CWC27: variants seen among roughly 807,000 people sequenced by gnomAD.
The protein encoded by CWC27 is CWC27 spliceosome associated cyclophilin.
In CWC27, 47 loss-of-function variants were observed where a neutral mutation model predicts 63.6. The ratio of observed to expected loss-of-function variants is 0.74; its 90% confidence interval spans 0.58 to 0.94. CWC27 has a LOEUF of 0.94. CWC27 is among the 40% of genes least tolerant of loss of function. The probability of loss-of-function intolerance (pLI) is 0.00; values close to 1 mark genes in which losing one functional copy is unlikely to be tolerated. For synonymous variants in CWC27, 175 were observed against 179.8 expected, an observed-to-expected ratio of 0.97 and a Z score of 0.22; for missense variants, 495 against 554.3, an observed-to-expected ratio of 0.89 and a Z score of 1.07.
chr5:64,784,064 T>A lies in CWC27; in HGVS notation c.396+85T>A, dbSNP rs181646338. 1.1e-4 allele frequency: 130 copies of A among 1,171,594 alleles called. 1 individual carries two copies. The African/African-American group carries it at 1.9e-3, about 17-fold the overall frequency. 72.6% of individuals were successfully genotyped at this position (1,171,594 alleles called of 1,614,324 possible). On this transcript the variant is annotated intron_variant, in intron 4 of 13. Transcript: ENST00000381070. ...ACTTCTAAGATACATATGATTAACT[T>A]ATCTAAGAGCTACCTTTGTAAAAAC...
intron 10 of CWC27, among the ~76,000 whole-genome samples, chr5:64,877,929 G>T (rs757192604): frequency 6.6e-6 from 1 of 151,760 alleles, no homozygotes; most frequent in African/African-American, 2.4e-5. Flanking sequence ...TCAGCATCTC[G>T]CTGCTTCCTT....
Position 64,870,218 on chromosome 5 carries a change from T to C in CWC27, c.939-15225T>C, listed in dbSNP as rs547706422. ...CCAGTTTATTCCTCATCATGGTTAATAAAATTGCCATGGAAATATTAAGAA... is the reference window on the plus strand; with the variant it reads ...CCAGTTTATTCCTCATCATGGTTAACAAAATTGCCATGGAAATATTAAGAA... On this transcript the variant is annotated intron_variant, in intron 10 of 13. Coordinates refer to ENST00000381070, the MANE Select transcript of CWC27 (RefSeq NM_005869.4). Among the ~76,000 whole-genome samples, 172 of 152,218 alleles carry C rather than the reference T, an allele frequency of 1.1e-3. 1 individual carries two copies. In the Middle Eastern group the frequency reaches 0.014, roughly 12 times the overall value.
At chr5:64,770,692 A>AT (rs1228369356) in intron 1 of CWC27, among the ~76,000 whole-genome samples, 1 of 152,218 alleles carries the variant, frequency 6.6e-6, no homozygotes, top group Non-Finnish European at 1.5e-5. Flanking sequence ...ACAGTACTTG[A>AT]TACATGATAG....
intron 2 of CWC27, among the ~76,000 whole-genome samples, 198 bp downstream of exon 2, chr5:64,774,985 C>T (rs10057598): frequency 0.59 from 89,261 of 152,020 alleles, 26,988 homozygotes; most frequent in East Asian, 0.86. Flanking sequence ...TGAATACTTT[C>T]AACAGAGCAG....
chr5:64,807,226 T>A (rs1215161912), intron 10 of CWC27, among the ~76,000 whole-genome samples: 2 of 152,172 alleles, frequency 1.3e-5, no homozygotes, highest in African/African-American at 4.8e-5. Context: ...AAAGTATAAT[T>A]TTACTGAAAA....
chr5:64,804,465 A>G (rs894760771), intron 10 of CWC27, 79 bp downstream of exon 10: 27 of 1,335,034 alleles, frequency 2.0e-5, no homozygotes, highest in Non-Finnish European at 2.7e-5. Flanking sequence ...TCCTCTCTTC[A>G]GCTAATTTTT....
chr5:64,853,677 G>A (rs960264016), intron 10 of CWC27, among the ~76,000 whole-genome samples: 6 of 152,224 alleles, frequency 3.9e-5, no homozygotes, highest in Admixed American at 3.9e-4. Context: ...GTGATGGGGA[G>A]CCAGCATGTT....
chr5:64,886,914 A>C (rs1395090365), intron 11 of CWC27, among the ~76,000 whole-genome samples: 1 of 152,130 alleles, frequency 6.6e-6, no homozygotes, highest in Non-Finnish European at 1.5e-5. Context: ...GATTTGAAAC[A>C]GGTACAGTCA....
At chr5:64,896,653 A>G (rs1299264607) in intron 11 of CWC27, among the ~76,000 whole-genome samples, 1 of 151,872 alleles carries the variant, frequency 6.6e-6, no homozygotes, top group Non-Finnish European at 1.5e-5. Flanking sequence ...CTTCCAAACC[A>G]GTAGAGAAAA....
intron 7 of CWC27, 117 bp downstream of exon 7, chr5:64,789,137 G>A (rs1580599873): frequency 5.6e-6 from 3 of 536,754 alleles, no homozygotes; most frequent in Non-Finnish European, 9.6e-6. Flanking sequence ...GGCAGGCTCA[G>A]TAAGTGTTCA....
chr5:64,984,718 A>G (rs1034698838), intron 13 of CWC27, among the ~76,000 whole-genome samples: 19 of 152,074 alleles, frequency 1.2e-4, no homozygotes, highest in South Asian at 2.1e-4. Flanking sequence ...GGGATATGTT[A>G]TTTGCAAGTT....
chr5:64,891,431 A>G (rs1747234055), intron 11 of CWC27, among the ~76,000 whole-genome samples: 3 of 152,330 alleles, frequency 2.0e-5, no homozygotes, highest in Admixed American at 1.3e-4. Flanking sequence ...ATATCTTTCA[A>G]TAATATAATT....
At chr5:64,925,147 A>G (rs1748082137) in intron 11 of CWC27, among the ~76,000 whole-genome samples, 3 of 152,246 alleles carry the variant, frequency 2.0e-5, no homozygotes, top group Non-Finnish European at 4.4e-5. Flanking sequence ...TGGGAATGAT[A>G]TTCTGTCAGT....
intron 13 of CWC27, among the ~76,000 whole-genome samples, chr5:64,979,811 T>C (rs1749301272): frequency 6.6e-6 from 1 of 152,196 alleles, no homozygotes; most frequent in Non-Finnish European, 1.5e-5. Context: ...TGAGGGATCA[T>C]TTTCATTTTC....
At chr5:64,951,690 A>T (rs551029006) in intron 11 of CWC27, among the ~76,000 whole-genome samples, 1 of 152,022 alleles carries the variant, frequency 6.6e-6, no homozygotes, top group East Asian at 1.9e-4. Context: ...TACTTTCTTC[A>T]TATATAGATT....
intron 11 of CWC27, among the ~76,000 whole-genome samples, chr5:64,896,476 T>C (rs1039453885): frequency 3.3e-5 from 5 of 151,956 alleles, no homozygotes; most frequent in African/African-American, 1.2e-4. Flanking sequence ...AACAACATAG[T>C]ATATAACTTT....
At chr5:64,805,707 C>G (rs1744645685) in intron 10 of CWC27, among the ~76,000 whole-genome samples, 1 of 151,968 alleles carries the variant, frequency 6.6e-6, no homozygotes, top group Non-Finnish European at 1.5e-5. Flanking sequence ...ATTTCAAATA[C>G]TTATATACCC....
At chr5:64,965,875 CTA>C (rs1749004076) in intron 11 of CWC27, among the ~76,000 whole-genome samples, 1 of 152,088 alleles carries the variant, frequency 6.6e-6, no homozygotes, top group Non-Finnish European at 1.5e-5. Flanking sequence ...CTGGTTATGA[CTA>C]TACATTAAGA....
intron 13 of CWC27, among the ~76,000 whole-genome samples, chr5:64,988,162 A>G (rs569778095): frequency 6.6e-6 from 1 of 152,090 alleles, no homozygotes; most frequent in African/African-American, 2.4e-5. Flanking sequence ...TAAAACTTTT[A>G]TTTGTATTTA....
Sources: gnomAD v4.1 joint callset for allele counts (sites outside exome capture counted in the v4.1 genomes callset) on GRCh38, gnomAD v4.1.1 for gene constraint, MANE v1.5 for transcripts, NCBI Gene and HGNC (gene_info 2026-07-23, HGNC 2026-07-21) for gene names.